MROH2A: variants seen among roughly 807,000 people sequenced by gnomAD.
MROH2A encodes the protein maestro heat like repeat family member 2A.
MROH2A carries 174 observed loss-of-function variants against 200.4 expected under a neutral mutation model. The observed-to-expected ratio is 0.87, with a 90% confidence interval of 0.77 to 0.98. MROH2A has a LOEUF of 0.98. MROH2A is among the 50% of genes least tolerant of loss of function. MROH2A has a pLI of 0.00. For missense variants in MROH2A, 2,045 were observed against 2,139.6 expected, an observed-to-expected ratio of 0.96 and a Z score of 0.87; for synonymous variants, 829 against 840.4, an observed-to-expected ratio of 0.99 and a Z score of 0.23.
intron 26 of MROH2A, among the ~76,000 whole-genome samples, chr2:233,814,982 A>G (rs1371502176): frequency 2.6e-5 from 4 of 152,218 alleles, no homozygotes; most frequent in Non-Finnish European, 2.9e-5. Flanking sequence ...GTACTCTCTT[A>G]TATAACAACA....
At chr2:233,798,029 G>A (rs1702225936) in intron 11 of MROH2A, among the ~76,000 whole-genome samples, 1 of 152,154 alleles carries the variant, frequency 6.6e-6, no homozygotes, top group South Asian at 2.1e-4. Context: ...CTGCCACCTT[G>A]TACCTGCTCT....
intron 21 of MROH2A, among the ~76,000 whole-genome samples, chr2:233,808,498 G>A (rs1223960677): frequency 1.3e-5 from 2 of 152,132 alleles, no homozygotes; most frequent in Admixed American, 1.3e-4. Flanking sequence ...CCCTTGACCT[G>A]GAACACTTGC....
chr2:233,822,551 G>A lies in MROH2A; in HGVS notation c.3861G>A (p.Leu1287=). ...CTCCTCTGCCGGAGGAGATGAACCT[G>A]CAAAGGTGCTCTCGAGGGCGGTGGG... ...HTTPLPEEMN[L]QRVTIKSMQL... The change falls in exon 33 of 42, where the codon CTG becomes CTA. Residue 1287 remains leucine, a synonymous_variant. Transcript: ENST00000389758. 6.5e-7 allele frequency: 1 copy of A among 1,549,270 alleles called. No homozygotes were observed. Among genetic ancestry groups the A allele is most frequent in the Non-Finnish European group, 8.7e-7 (1 of 1,146,916 alleles).
chr2:233,807,290 TGTAAAC>T lies in MROH2A; in HGVS notation c.2053-130_2053-125del. On this transcript the variant is annotated intron_variant, in intron 19 of 41. Coordinates refer to ENST00000389758, the MANE Select transcript of MROH2A (RefSeq NM_001394639.1). This position sits in a 1 kb window ranked among gnomAD's most constrained non-coding sequence, Gnocchi z 4.3. ...TTTTTGCACTTGTGAATTGTGCTGC[TGTAAAC>T]GTGTGTGCAAGTATCTTCTGCACAT... The T allele has an allele frequency of 1.0e-6, 1 of 1,003,410 alleles. No individual in the cohort carries two copies. The highest frequency in any genetic ancestry group is 1.8e-5 in the South Asian group (1 of 56,500). The allele number at this position is 1,003,410 out of a possible 1,614,324, so 62.2% of individuals were successfully genotyped here. A position where few individuals can be genotyped will look rare whatever the true frequency, so the allele number is the denominator to read the frequency against.
At chr2:233,832,933 TG>T (rs1448467517) in intron 41 of MROH2A, among the ~76,000 whole-genome samples, 2 of 152,234 alleles carry the variant, frequency 1.3e-5, no homozygotes, top group Non-Finnish European at 2.9e-5. Context: ...TTTCTGTCCC[TG>T]TTAGGGTGGT....
At chr2:233,775,890 T>C (rs1403773359), upstream of MROH2A, 1 of 152,210 alleles carries the variant, frequency 6.6e-6, no homozygotes, top group Non-Finnish European at 1.5e-5. Context: ...TCCATGCTAT[T>C]TGTGTGATAG....
chr2:233,805,143 C>A, intron 19 of MROH2A, 32 bp downstream of exon 19: 1 of 1,444,262 alleles, frequency 6.9e-7, no homozygotes, highest in Non-Finnish European at 9.5e-7. Context: ...AGAGTTTGGA[C>A]AAGGAGTAGA....
At chr2:233,816,946 T>G in intron 27 of MROH2A, 61 bp downstream of exon 27, 1 of 1,032,200 alleles carries the variant, frequency 9.7e-7, no homozygotes, top group Non-Finnish European at 1.4e-6. Flanking sequence ...AAAATTCCTG[T>G]GTCTATCTGG....
At chr2:233,782,873 G>A (rs1444214745) in intron 3 of MROH2A, among the ~76,000 whole-genome samples, 3 of 152,074 alleles carry the variant, frequency 2.0e-5, no homozygotes, top group South Asian at 4.1e-4. Flanking sequence ...TTTTATTATC[G>A]TGAGGTATGC....
Position 233,795,552 on chromosome 2 carries a change from C to G in MROH2A, c.967-101C>G, listed in dbSNP as rs79156799. The G allele has an allele frequency of 2.2e-3, 3,395 of 1,521,124 alleles. 55 individuals carry two copies. In the East Asian group the frequency reaches 0.036, roughly 16 times the overall value. The allele number at this position is 1,521,124 out of a possible 1,614,324, so 94.2% of individuals were successfully genotyped here. A position where few individuals can be genotyped will look rare whatever the true frequency, so the allele number is the denominator to read the frequency against. ...ATTTCTAATCAGCTCCCAGGGAATG[C>G]TGGTGCTCAGTGGGTCAGTGGGCCC... On this transcript the variant is annotated intron_variant, in intron 8 of 41. Coordinates refer to ENST00000389758, the MANE Select transcript of MROH2A (RefSeq NM_001394639.1).
At position 233,828,618 on chromosome 2, in the gene MROH2A, C is replaced by A. The variant is rs1704485859; in HGVS notation, c.4114-12C>A. The A allele has an allele frequency of 6.5e-7, 1 of 1,549,948 alleles. No homozygotes were observed. Among genetic ancestry groups the A allele is most frequent in the Non-Finnish European group, 8.7e-7 (1 of 1,146,420 alleles). On this transcript the variant is annotated splice_polypyrimidine_tract_variant and intron_variant, in intron 35 of 41. Coordinates refer to ENST00000389758, the MANE Select transcript of MROH2A (RefSeq NM_001394639.1). This position sits in a 1 kb window ranked among gnomAD's most constrained non-coding sequence, Gnocchi z 4.6. ...CGCCCTGGGGATAACTGCCCAATGT[C>A]CTCCCTTCCAGTTCATGAGCGGCCC...
At chr2:233,780,628 A>G (rs948095659) in intron 3 of MROH2A, among the ~76,000 whole-genome samples, 1 of 152,224 alleles carries the variant, frequency 6.6e-6, no homozygotes, top group Non-Finnish European at 1.5e-5. Context: ...GTACATATTT[A>G]TAGAATACAA....
At chr2:233,778,942 T>C (rs1444997891) in intron 1 of MROH2A, among the ~76,000 whole-genome samples, 1 of 152,222 alleles carries the variant, frequency 6.6e-6, no homozygotes, top group Non-Finnish European at 1.5e-5. Flanking sequence ...GGAGTTCAGC[T>C]TCCTCTTCCA....
In MROH2A at chr2:233,810,872, G is replaced by A. The variant is rs559912036; in HGVS notation, c.2527G>A (p.Asp843Asn). Residue 843 changes from aspartate (D) to asparagine (N), a missense_variant, in exon 23 of 42, where the codon GAC becomes AAC. Around this residue, in one of 3 missense-constraint regions of MROH2A, gnomAD observed 1,201 missense variants for 1,311.3 expected, o/e 0.92. Coordinates refer to ENST00000389758, the MANE Select transcript of MROH2A (RefSeq NM_001394639.1). ...CATCAACAACATCAAGGACCTGGAG[G>A]ACTTTCACTTTGCCCAGAAGACGAC... ...KAINNIKDLE[D>N]FHFAQKTTLT... 3 of 1,550,338 alleles carry A rather than the reference G, an allele frequency of 1.9e-6. No homozygotes were observed. The highest frequency in any genetic ancestry group is 8.7e-7 in the Non-Finnish European group (1 of 1,146,902).
At position 233,807,877 on chromosome 2, in the gene MROH2A, A is replaced by C; in HGVS notation, c.2295+22A>C. On this transcript the variant is annotated intron_variant, in intron 21 of 41. Coordinates refer to ENST00000389758, the MANE Select transcript of MROH2A (RefSeq NM_001394639.1). This position sits in a 1 kb window ranked among gnomAD's most constrained non-coding sequence, Gnocchi z 4.3. ...GCGGGTAAGCCACCTTCCCTCCACA[A>C]CTGGGTCTTGGGATCTCTTAGCACA... 6.4e-7 allele frequency: 1 copy of C among 1,550,938 alleles called. No homozygotes were observed. The highest frequency in any genetic ancestry group is 8.7e-7 in the Non-Finnish European group (1 of 1,147,054).
chr2:233,777,292 G>A (rs1700738662), upstream of MROH2A, among the ~76,000 whole-genome samples: 1 of 152,214 alleles, frequency 6.6e-6, no homozygotes, highest in Admixed American at 6.5e-5. Flanking sequence ...AGCATGGAAA[G>A]CCATGCTTAG....
chr2:233,806,322 T>C (rs1280904309), intron 19 of MROH2A, among the ~76,000 whole-genome samples: 2 of 152,196 alleles, frequency 1.3e-5, no homozygotes, highest in African/African-American at 4.8e-5. Context: ...ACATTTTTTG[T>C]GTGCTTCTAC....
At chr2:233,808,031 A>G (rs1480824969) in intron 21 of MROH2A, among the ~76,000 whole-genome samples, 176 bp downstream of exon 21, 1 of 152,170 alleles carries the variant, frequency 6.6e-6, no homozygotes, top group African/African-American at 2.4e-5. Context: ...AGCTTTTGCT[A>G]TTGGATCATC....
In MROH2A at chr2:233,792,790, TCA is replaced by T; in HGVS notation, c.572-3_572-2del. ...CTTCCTGTAATCATCCCTCACAACC[TCA>T]CAGTGTTTGAGTTCATGCCATACAT... is the stretch of plus-strand genomic sequence containing the variant. On this transcript the variant is annotated splice_polypyrimidine_tract_variant and splice_region_variant and intron_variant, in intron 5 of 41. Coordinates refer to ENST00000389758, the MANE Select transcript of MROH2A (RefSeq NM_001394639.1). The T allele has an allele frequency of 1.3e-6, 2 of 1,517,282 alleles. No individual in the cohort carries two copies. Among genetic ancestry groups the T allele is most frequent in the Non-Finnish European group, 1.8e-6 (2 of 1,117,014 alleles). 94.0% of individuals were successfully genotyped at this position (1,517,282 alleles called of 1,614,324 possible). A position where few individuals can be genotyped will look rare whatever the true frequency, so the allele number is the denominator to read the frequency against.
Sources: allele counts gnomAD v4.1 joint callset (sites outside exome capture counted in the v4.1 genomes callset), GRCh38; gene constraint gnomAD v4.1.1; regional missense constraint gnomAD v4.1.1; non-coding constraint Gnocchi (gnomAD v3.1); transcripts MANE v1.5; gene names NCBI Gene and HGNC (gene_info 2026-07-23, HGNC 2026-07-21).